FAM135B: variants seen among roughly 807,000 people sequenced by gnomAD.
FAM135B encodes family with sequence similarity 135 member B.
In FAM135B, 43 loss-of-function variants were observed where a neutral mutation model predicts 127.7. The observed-to-expected ratio is 0.34, with a 90% CI of 0.26 to 0.43. The LOEUF (loss-of-function observed/expected upper bound fraction) is 0.43, where lower values mean the gene tolerates loss of function less well. FAM135B is among the 20% of genes least tolerant of loss of function. The pLI, the probability that FAM135B is intolerant of heterozygous loss-of-function variation, is 1.00. For missense variants in FAM135B, 1,558 were observed against 1,725.6 expected, an observed-to-expected ratio of 0.90 and a Z score of 1.72; for synonymous variants, 670 against 665.1, an observed-to-expected ratio of 1.01 and a Z score of -0.11.
At chr8:138,404,792 T>C (rs1833360872) in intron 1 of FAM135B, among the ~76,000 whole-genome samples, 1 of 152,182 alleles carries the variant, frequency 6.6e-6, no homozygotes, top group Non-Finnish European at 1.5e-5. Context: ...GCTCCACTTC[T>C]AATTGTAGTT....
intron 1 of FAM135B, among the ~76,000 whole-genome samples, chr8:138,491,847 C>T (rs1249742372): frequency 6.6e-6 from 1 of 152,160 alleles, no homozygotes; most frequent in Non-Finnish European, 1.5e-5. Flanking sequence ...CAGTGATTAC[C>T]AGGGAGAAGA....
intron 1 of FAM135B, among the ~76,000 whole-genome samples, chr8:138,391,172 G>A (rs1052384996): frequency 1.4e-5 from 2 of 147,852 alleles, no homozygotes; most frequent in African/African-American, 2.5e-5. Flanking sequence ...TCCCATTAAG[G>A]CTGAGCTCCT....
At position 138,437,040 on chromosome 8, in the gene FAM135B, T is replaced by C. The variant is rs1835494124; in HGVS notation, c.-20+59631A>G. 4 of 152,194 alleles carry C rather than the reference T, an allele frequency of 2.6e-5. No homozygotes were observed. In the South Asian group the frequency reaches 8.3e-4, roughly 32 times the overall value. 9.4% of individuals were successfully genotyped at this position (152,194 alleles called of 1,614,324 possible). On this transcript the variant is annotated intron_variant, in intron 1 of 19. Transcript: ENST00000395297. ...TGTGGCTTGTTTTTAAGGCACCCTGTGCTCTGACCTCCTCCAACGGTGTTA... is the reference window on the plus strand; with the variant it reads ...TGTGGCTTGTTTTTAAGGCACCCTGCGCTCTGACCTCCTCCAACGGTGTTA...
chr8:138,243,204 G>A lies in FAM135B; in HGVS notation c.543-136C>T. 1 of 966,364 alleles carries A rather than the reference G, an allele frequency of 1.0e-6. No homozygotes were observed. Among genetic ancestry groups the A allele is most frequent in the Non-Finnish European group, 1.5e-6 (1 of 684,490 alleles). The allele number at this position is 966,364 out of a possible 1,614,324, so 59.9% of individuals were successfully genotyped here. ...AGGAGTAGTTCACCCCCTAGGGAGT[G>A]TTTGCATGTGACATTTGTGGATATT... On this transcript the variant is annotated intron_variant, in intron 6 of 19. Transcript: ENST00000395297. This position sits in a 1 kb window ranked among gnomAD's most constrained non-coding sequence, Gnocchi z 7.5.
chr8:138,161,778 C>G (rs1819427095), intron 12 of FAM135B, among the ~76,000 whole-genome samples: 1 of 152,200 alleles, frequency 6.6e-6, no homozygotes, highest in Non-Finnish European at 1.5e-5. Context: ...TTCCCACGAC[C>G]TACCGCAAGT....
At chr8:138,295,087 C>G (rs908485929) in intron 3 of FAM135B, among the ~76,000 whole-genome samples, 1 of 146,590 alleles carries the variant, frequency 6.8e-6, no homozygotes, top group African/African-American at 2.5e-5. Context: ...AATGTCAATA[C>G]CACCCTTGCT....
chr8:138,219,391 C>T (rs1316774700), intron 7 of FAM135B, among the ~76,000 whole-genome samples: 1 of 152,132 alleles, frequency 6.6e-6, no homozygotes, highest in African/African-American at 2.4e-5. Context: ...TGGAACCTGT[C>T]CCTGGCAGCT....
chr8:138,246,599 C>T (rs1466982509), intron 6 of FAM135B, among the ~76,000 whole-genome samples: 1 of 152,190 alleles, frequency 6.6e-6, no homozygotes, highest in Non-Finnish European at 1.5e-5. Flanking sequence ...GATGTCCAGG[C>T]AGAAGTTTGC....
intron 1 of FAM135B, among the ~76,000 whole-genome samples, chr8:138,478,686 C>G (rs953735053): frequency 6.6e-6 from 1 of 152,142 alleles, no homozygotes. Context: ...ACTAGGTTAG[C>G]CACATAAGAC....
chr8:138,131,584 T>C lies in FAM135B; in HGVS notation c.*1009A>G, dbSNP rs1816220171. 6.6e-6 allele frequency: 1 copy of C among 152,664 alleles called. No individual in the cohort carries two copies. The highest frequency in any genetic ancestry group is 1.5e-5 in the Non-Finnish European group (1 of 68,048). 9.5% of individuals were successfully genotyped at this position (152,664 alleles called of 1,614,324 possible). A position where few individuals can be genotyped will look rare whatever the true frequency, so the allele number is the denominator to read the frequency against. On this transcript the variant is annotated 3_prime_UTR_variant, in exon 20 of 20. Transcript: ENST00000395297. ...TATTGAAAGATAGCCAGCACCCTTC[T>C]TAGAGCTCCCCTGAGGTTTTAATCC...
At chr8:138,187,370 G>A (rs759505238) in intron 9 of FAM135B, among the ~76,000 whole-genome samples, 7 of 152,176 alleles carry the variant, frequency 4.6e-5, no homozygotes, top group Non-Finnish European at 8.8e-5. Flanking sequence ...AGGAGGGATG[G>A]AGAGTTCCAC....
At chr8:138,252,881 C>T (rs1044067832) in intron 5 of FAM135B, among the ~76,000 whole-genome samples, 2 of 152,178 alleles carry the variant, frequency 1.3e-5, no homozygotes, top group South Asian at 4.1e-4. Context: ...CTCACTGCAA[C>T]CTCTGCCTCC....
At chr8:138,292,313 G>T (rs1026101794) in intron 3 of FAM135B, among the ~76,000 whole-genome samples, 1 of 152,082 alleles carries the variant, frequency 6.6e-6, no homozygotes, top group African/African-American at 2.4e-5. Flanking sequence ...TGGATTAAAA[G>T]AATTAATATT....
intron 3 of FAM135B, among the ~76,000 whole-genome samples, chr8:138,306,658 C>A (rs902892442): frequency 6.6e-6 from 1 of 150,736 alleles, no homozygotes; most frequent in Non-Finnish European, 1.5e-5. Context: ...TCTCTGCTCA[C>A]TGCAACCTCT....
rs554259714 is a variant in FAM135B, at chr8:138,373,500, G to C, written c.-19-5498C>G. ...AATTGCGTTAACTGCACAAATTGTA[G>C]AGCATATGTGTTTGAACAATATGAA... is the stretch of plus-strand genomic sequence containing the variant. On this transcript the variant is annotated intron_variant, in intron 1 of 19. Transcript: ENST00000395297. 3.5e-4 allele frequency among the ~76,000 whole-genome samples: 53 copies of C among 151,114 alleles called. 1 individual carries two copies. The highest frequency in any genetic ancestry group is 6.9e-4 in the Non-Finnish European group (47 of 67,870).
chr8:138,440,492 T>C (rs1835699736), intron 1 of FAM135B: 1 of 134,094 alleles, frequency 7.5e-6, no homozygotes, highest in Non-Finnish European at 1.5e-5. Context: ...TAAATATTTA[T>C]AATAATGCAC....
chr8:138,181,484 C>A (rs950809676), intron 9 of FAM135B, among the ~76,000 whole-genome samples: 5 of 152,146 alleles, frequency 3.3e-5, no homozygotes, highest in African/African-American at 1.2e-4. Context: ...TGGCCCAGTG[C>A]ACTCCCGTTC....
chr8:138,477,077 G>A (rs1016305620), intron 1 of FAM135B, among the ~76,000 whole-genome samples: 8 of 152,110 alleles, frequency 5.3e-5, no homozygotes, highest in South Asian at 2.1e-4. Context: ...AATATACATC[G>A]TCCTTCCTTG....
At chr8:138,491,687 T>C (rs1287135634) in intron 1 of FAM135B, among the ~76,000 whole-genome samples, 1 of 152,158 alleles carries the variant, frequency 6.6e-6, no homozygotes. Context: ...CAGTGGGAGT[T>C]CAACAGTGAA....
Sources: gnomAD v4.1 joint callset for allele counts (sites outside exome capture counted in the v4.1 genomes callset) on GRCh38, gnomAD v4.1.1 for gene constraint, Gnocchi (gnomAD v3.1) non-coding constraint, MANE v1.5 for transcripts, NCBI Gene and HGNC (gene_info 2026-07-23, HGNC 2026-07-21) for gene names.